PTPRG: variants seen among roughly 807,000 people sequenced by gnomAD.
The protein encoded by PTPRG is receptor-type tyrosine-protein phosphatase gamma.
In PTPRG, 102 loss-of-function variants were observed where a neutral mutation model predicts 165.3. The observed-to-expected ratio is 0.62, with a 90% CI of 0.53 to 0.73. The LOEUF is 0.73. Among genes scored for constraint, PTPRG ranks in the 30% least tolerant of loss-of-function variants. The pLI, the probability that PTPRG is intolerant of heterozygous loss-of-function variation, is 0.00. For missense variants in PTPRG, 1,866 were observed against 1,861.4 expected, an observed-to-expected ratio of 1.00 and a Z score of -0.05; for synonymous variants, 675 against 669.5, an observed-to-expected ratio of 1.01 and a Z score of -0.13.
intron 8 of PTPRG, among the ~76,000 whole-genome samples, chr3:62,177,512 C>T (rs1705470303): frequency 6.6e-6 from 1 of 152,200 alleles, no homozygotes; most frequent in African/African-American, 2.4e-5. Context: ...GGGTGCCATG[C>T]CCTCTTCCTG....
At chr3:61,876,755 G>A (rs533354505) in intron 2 of PTPRG, among the ~76,000 whole-genome samples, 6 of 152,028 alleles carry the variant, frequency 3.9e-5, no homozygotes, top group Admixed American at 6.6e-5. Context: ...ATACAAAAAG[G>A]TATAAGCCCT....
intron 11 of PTPRG, among the ~76,000 whole-genome samples, chr3:62,202,192 T>C (rs1700109785): frequency 6.6e-6 from 1 of 152,184 alleles, no homozygotes; most frequent in African/African-American, 2.4e-5. Flanking sequence ...AAAATTAGAC[T>C]AATAGCTCAG....
intron 4 of PTPRG, among the ~76,000 whole-genome samples, chr3:62,005,788 C>T (rs1267873746): frequency 1.3e-5 from 2 of 148,910 alleles, no homozygotes; most frequent in African/African-American, 5.0e-5. Flanking sequence ...CTGCAATCTC[C>T]GCCTCCTGGG....
intron 2 of PTPRG, among the ~76,000 whole-genome samples, chr3:61,970,922 A>C (rs1039187651): frequency 4.6e-5 from 7 of 152,198 alleles, no homozygotes; most frequent in African/African-American, 1.7e-4. Context: ...TATACCTGCC[A>C]CTTATTTCTG....
chr3:61,898,048 T>C (rs1286776775), intron 2 of PTPRG, among the ~76,000 whole-genome samples: 1 of 151,884 alleles, frequency 6.6e-6, no homozygotes, highest in Non-Finnish European at 1.5e-5. Context: ...TACTTCTCTT[T>C]TATGCCTTAT....
intron 1 of PTPRG, among the ~76,000 whole-genome samples, chr3:61,660,798 C>T (rs551629076): frequency 3.9e-5 from 6 of 152,022 alleles, no homozygotes; most frequent in Non-Finnish European, 5.9e-5. Context: ...GTCGGGAGTT[C>T]GAGACCAGCC....
chr3:62,202,386 C>A (rs994733263), intron 11 of PTPRG, among the ~76,000 whole-genome samples: 1 of 152,188 alleles, frequency 6.6e-6, no homozygotes, highest in African/African-American at 2.4e-5. Context: ...TCCTCACCTG[C>A]AAAATGGGGT....
At chr3:62,280,749 T>C (rs1004684076) in intron 26 of PTPRG, among the ~76,000 whole-genome samples, 9 of 152,122 alleles carry the variant, frequency 5.9e-5, no homozygotes, top group Middle Eastern at 3.4e-3. Context: ...CTCGTAAAGA[T>C]ATTTGCACTC....
rs182630501 is a variant in PTPRG at position 61,587,946 on chromosome 3, A to C, written c.85+25574A>C. On this transcript the variant is annotated intron_variant, in intron 1 of 29. Coordinates refer to ENST00000474889, the MANE Select transcript of PTPRG (RefSeq NM_002841.4). ...AGTGTTGGAATTCCAGGCATGAGCC[A>C]CTGCAGCTGTCCCATTTTTTTTTTT... 1.2e-4 allele frequency among the ~76,000 whole-genome samples: 17 copies of C among 144,080 alleles called. 1 individual carries two copies. The East Asian group carries it at 3.4e-3, about 29-fold the overall frequency. 94.5% of individuals were successfully genotyped at this position (144,080 alleles called of 152,430 possible).
intron 4 of PTPRG, among the ~76,000 whole-genome samples, chr3:62,046,220 G>A (rs555135577): frequency 2.6e-5 from 4 of 152,128 alleles, no homozygotes; most frequent in African/African-American, 9.6e-5. Context: ...ATGGCATGAT[G>A]TTGATGATTT....
At chr3:61,601,017 G>A (rs559018638) in intron 1 of PTPRG, among the ~76,000 whole-genome samples, 4 of 152,354 alleles carry the variant, frequency 2.6e-5, no homozygotes, top group African/African-American at 9.6e-5. Context: ...CACTCTGGGA[G>A]GTCGAGGCGG....
intron 4 of PTPRG, among the ~76,000 whole-genome samples, chr3:62,044,471 A>G (rs1012426949): frequency 6.6e-6 from 1 of 152,072 alleles, no homozygotes; most frequent in Admixed American, 6.6e-5. Flanking sequence ...CCCAGGAGAC[A>G]GAGGTTGCAG....
At chr3:61,973,414 A>C (rs2040428801) in intron 2 of PTPRG, among the ~76,000 whole-genome samples, 1 of 152,208 alleles carries the variant, frequency 6.6e-6, no homozygotes, top group South Asian at 2.1e-4. Flanking sequence ...TAGTTCTAGA[A>C]TCTAAAAGGA....
chr3:62,247,598 T>C (rs1277058641), intron 15 of PTPRG, among the ~76,000 whole-genome samples: 3 of 152,130 alleles, frequency 2.0e-5, no homozygotes, highest in African/African-American at 7.2e-5. Flanking sequence ...TTTTCCTTCC[T>C]GAGAGAAAGA....
At chr3:61,701,592 A>G (rs1224545919) in intron 1 of PTPRG, among the ~76,000 whole-genome samples, 1 of 152,202 alleles carries the variant, frequency 6.6e-6, no homozygotes, top group Admixed American at 6.5e-5. Flanking sequence ...TGTTATAATA[A>G]TGATGGTGAT....
intron 5 of PTPRG, among the ~76,000 whole-genome samples, chr3:62,087,517 A>C (rs1701791167): frequency 6.6e-6 from 1 of 152,240 alleles, no homozygotes; most frequent in East Asian, 1.9e-4. Context: ...AATGACAACT[A>C]CTATACAGTG....
In PTPRG at chr3:61,860,892, G is replaced by A. The variant is rs375075124; in HGVS notation, c.190+111910G>A. ...ATCACTGGTGTAGATTCATGTATCC[G>A]TCACCACAGTCAAGATTCTGAATAA... On this transcript the variant is annotated intron_variant, in intron 2 of 29. Transcript: ENST00000474889. Among the ~76,000 whole-genome samples, 91 of 152,066 alleles carry A rather than the reference G, an allele frequency of 6.0e-4. 2 individuals are homozygous for A. Among genetic ancestry groups the A allele is most frequent in the African/African-American group, 2.1e-3 (86 of 41,452 alleles).
intron 1 of PTPRG, among the ~76,000 whole-genome samples, chr3:61,626,646 C>T (rs1459465362): frequency 4.6e-5 from 7 of 152,208 alleles, no homozygotes; most frequent in African/African-American, 9.6e-5. Flanking sequence ...GTAAGAGTGT[C>T]GCTCTTCACT....
At chr3:61,906,992 A>G (rs1306398358) in intron 2 of PTPRG, among the ~76,000 whole-genome samples, 2 of 152,192 alleles carry the variant, frequency 1.3e-5, no homozygotes, top group Non-Finnish European at 2.9e-5. Flanking sequence ...GAATTAAACC[A>G]ATAAATGAAG....
Sources: gnomAD v4.1 joint callset for allele counts (sites outside exome capture counted in the v4.1 genomes callset) on GRCh38, gnomAD v4.1.1 for gene constraint, MANE v1.5 for transcripts, NCBI Gene and HGNC (gene_info 2026-07-23, HGNC 2026-07-21) for gene names.